Variants in SERINC5 observed in about 807,000 individuals in gnomAD.
SERINC5 encodes the protein chromosome 5 open reading frame 12.
A neutral mutation model predicts 63.1 loss-of-function variants in SERINC5; 41 were observed. That is an observed-to-expected ratio of 0.65 (90% CI 0.51 to 0.84). The LOEUF (loss-of-function observed/expected upper bound fraction) is 0.84. SERINC5 is among the 40% of genes least tolerant of loss of function. The pLI, the probability that SERINC5 is intolerant of heterozygous loss-of-function variation, is 0.00. For synonymous variants in SERINC5, 222 were observed against 215.2 expected, an observed-to-expected ratio of 1.03 and a Z score of -0.28; for missense variants, 523 against 573.0, an observed-to-expected ratio of 0.91 and a Z score of 0.89.
At chr5:80,204,085 G>A (rs1289159440) in intron 1 of SERINC5, among the ~76,000 whole-genome samples, 3 of 152,176 alleles carry the variant, frequency 2.0e-5, no homozygotes, top group African/African-American at 7.2e-5. Flanking sequence ...TGGCGCTCGG[G>A]ACCCTTCCGG....
intron 9 of SERINC5, 71 bp from the exon 10 acceptor site, chr5:80,147,355 A>G: frequency 1.3e-6 from 2 of 1,494,316 alleles, no homozygotes; most frequent in Non-Finnish European, 1.8e-6. Flanking sequence ...GACAACAGTA[A>G]CCCTTATTTG....
At chr5:80,148,917 G>A (rs1745998364) in intron 9 of SERINC5, among the ~76,000 whole-genome samples, 1 of 152,186 alleles carries the variant, frequency 6.6e-6, no homozygotes, top group African/African-American at 2.4e-5. Context: ...CTTAACAGGA[G>A]CTTGGATTAA....
At chr5:80,174,369 A>AAATAATTAAT (rs1747875472) in intron 5 of SERINC5, among the ~76,000 whole-genome samples, 1 of 131,718 alleles carries the variant, frequency 7.6e-6, no homozygotes, top group South Asian at 2.6e-4. Context: ...CCCATCTCAA[A>AAATAATTAAT]AATAATAATA....
chr5:80,211,521 C>CT (rs1338369664), intron 1 of SERINC5, among the ~76,000 whole-genome samples: 6 of 152,218 alleles, frequency 3.9e-5, no homozygotes, highest in Admixed American at 2.0e-4. Flanking sequence ...TTGCTCTAAT[C>CT]TAACTTCGAG....
chr5:80,184,131 T>C (rs1748651535), intron 2 of SERINC5, among the ~76,000 whole-genome samples: 1 of 151,914 alleles, frequency 6.6e-6, no homozygotes, highest in African/African-American at 2.4e-5. Flanking sequence ...AATATTGCTT[T>C]GAATCTCTAA....
At chr5:80,211,054 GAT>G (rs1750407685) in intron 1 of SERINC5, among the ~76,000 whole-genome samples, 1 of 152,152 alleles carries the variant, frequency 6.6e-6, no homozygotes, top group Admixed American at 6.6e-5. Context: ...GAGGTAACTG[GAT>G]ATCCTTAGCA....
chr5:80,254,258 C>A (rs1448668358), intron 1 of SERINC5, among the ~76,000 whole-genome samples: 2 of 152,184 alleles, frequency 1.3e-5, no homozygotes, highest in African/African-American at 2.4e-5. Flanking sequence ...ACCGCCCCAT[C>A]CACAGGAAAT....
At chr5:80,191,017 C>T (rs1204650991) in intron 2 of SERINC5, among the ~76,000 whole-genome samples, 1 of 151,980 alleles carries the variant, frequency 6.6e-6, no homozygotes, top group Non-Finnish European at 1.5e-5. Context: ...GACTCCTGCA[C>T]TAGGCCCCAG....
chr5:80,154,752 G>T (rs989825715), intron 8 of SERINC5, among the ~76,000 whole-genome samples: 6 of 152,104 alleles, frequency 3.9e-5, no homozygotes, highest in African/African-American at 1.4e-4. Context: ...ATTGAATAAA[G>T]ATTCTTACTT....
chr5:80,183,556 CA>C (rs1230173522), intron 2 of SERINC5, among the ~76,000 whole-genome samples: 1 of 152,148 alleles, frequency 6.6e-6, no homozygotes, highest in Non-Finnish European at 1.5e-5. Context: ...TGAAGAATCA[CA>C]AAAGAAGTGA....
chr5:80,145,358 T>C (rs1208464884), intron 11 of SERINC5, among the ~76,000 whole-genome samples: 1 of 144,652 alleles, frequency 6.9e-6, no homozygotes, highest in African/African-American at 2.6e-5. Flanking sequence ...AAAAAAAAAC[T>C]ACAGAGGTTT....
intron 2 of SERINC5, among the ~76,000 whole-genome samples, chr5:80,197,344 AG>A (rs1463081316): frequency 7.1e-5 from 2 of 28,066 alleles, no homozygotes; most frequent in African/African-American, 2.5e-4. Flanking sequence ...AGAGAGAGAG[AG>A]AGAGAGAGAG....
At position 80,179,701 on chromosome 5, in the gene SERINC5, C is replaced by CA. The variant is rs530469322; in HGVS notation, c.196-1638dup. Reference sequence around the variant, plus strand: ...TATTACTGGCTAAGGTTCCCTAATCCAAAAAAATCCAGAATGCTTCAGTGA... The same window carrying CA: ...TATTACTGGCTAAGGTTCCCTAATCCAAAAAAAATCCAGAATGCTTCAGTGA... On this transcript the variant is annotated intron_variant, in intron 2 of 11. Transcript: ENST00000507668. Among the ~76,000 whole-genome samples, 607 of 152,220 alleles carry CA rather than the reference C, an allele frequency of 4.0e-3. 6 individuals carry two copies. The highest frequency in any genetic ancestry group is 0.014 in the African/African-American group (563 of 41,528).
chr5:80,196,854 C>G (rs190475702), intron 2 of SERINC5, among the ~76,000 whole-genome samples: 1 of 151,714 alleles, frequency 6.6e-6, no homozygotes, highest in Non-Finnish European at 1.5e-5. Context: ...GAAGGAGAAT[C>G]GCTTGAACCT....
intron 1 of SERINC5, among the ~76,000 whole-genome samples, chr5:80,223,838 A>T (rs1364079225): frequency 1.3e-5 from 2 of 152,064 alleles, no homozygotes; most frequent in Non-Finnish European, 2.9e-5. Context: ...AAAGTTAGAA[A>T]AGTCAAGCCG....
rs767589792 is a variant in SERINC5 at position 80,158,991 on chromosome 5, G to C, written c.860-29C>G. 41 of 1,611,752 alleles carry C rather than the reference G, an allele frequency of 2.5e-5. No individual in the cohort carries two copies. The Middle Eastern group carries it at 6.6e-4, about 26-fold the overall frequency. On this transcript the variant is annotated intron_variant, in intron 7 of 11. Coordinates refer to ENST00000507668, the MANE Select transcript of SERINC5 (RefSeq NM_001174072.3). ...GAAAAGAAAAAACAAAGTCATCACAGTCAAGTACAAAGGCCAGTTGTAACG... is the reference window on the plus strand; with the variant it reads ...GAAAAGAAAAAACAAAGTCATCACACTCAAGTACAAAGGCCAGTTGTAACG...
At chr5:80,121,137 T>G (rs530673255) in intron 11 of SERINC5, among the ~76,000 whole-genome samples, 1 of 152,250 alleles carries the variant, frequency 6.6e-6, no homozygotes, top group African/African-American at 2.4e-5. Context: ...TCCGCCCACT[T>G]TGGCCTCCCA....
chr5:80,124,860 GTGGGGAGTAGT>G (rs905345358), intron 11 of SERINC5, among the ~76,000 whole-genome samples: 2 of 152,166 alleles, frequency 1.3e-5, no homozygotes, highest in African/African-American at 2.4e-5. Context: ...CCCACCCAGG[GTGGGGAGTAGT>G]TGCAGGTAGT....
intron 11 of SERINC5, among the ~76,000 whole-genome samples, chr5:80,124,202 C>T (rs2112240333): frequency 6.6e-6 from 1 of 152,296 alleles, no homozygotes; most frequent in South Asian, 2.1e-4. Context: ...TGACAGCTCC[C>T]ATAATTTTTG....
Sources: gnomAD v4.1 joint callset for allele counts (sites outside exome capture counted in the v4.1 genomes callset) on GRCh38, gnomAD v4.1.1 for gene constraint, MANE v1.5 for transcripts, NCBI Gene and HGNC (gene_info 2026-07-23, HGNC 2026-07-21) for gene names.